Variants in MIDN observed in about 807,000 individuals in gnomAD.
MIDN encodes the protein midnolin.
A neutral mutation model predicts 46.1 loss-of-function variants in MIDN; 26 were observed. That is an observed-to-expected ratio of 0.56 (90% confidence interval 0.41 to 0.78). MIDN has a LOEUF of 0.78. Ranked by LOEUF, MIDN falls within the 30% of genes least tolerant of loss-of-function variation. MIDN has a pLI of 0.00. For missense variants in MIDN, 850 were observed against 771.8 expected (o/e 1.10, Z -1.20); for synonymous variants, 432 against 343.3 (o/e 1.26, Z -2.86).
intron 3 of MIDN, 93 bp from the exon 4 acceptor site, chr19:1,251,746 C>T: frequency 2.0e-6 from 3 of 1,527,478 alleles, no homozygotes; most frequent in Admixed American, 3.5e-5. Flanking sequence ...CCTGGGGCCC[C>T]CACCCCGCCA....
At chr19:1,256,488 A>C (rs1218903910) in intron 8 of MIDN, among the ~76,000 whole-genome samples, 1 of 151,608 alleles carries the variant, frequency 6.6e-6, no homozygotes, top group Non-Finnish European at 1.5e-5. Context: ...TCTCAAAAAA[A>C]AAAAAAAAAA....
chr19:1,251,760 A>G (rs112416458), intron 3 of MIDN, 79 bp from the exon 4 acceptor site: 4 of 1,475,772 alleles, frequency 2.7e-6, no homozygotes, highest in Non-Finnish European at 3.7e-6. Flanking sequence ...CCCGCCAGCC[A>G]GCAGGGCCCT....
Position 1,255,501 on chromosome 19 carries a change from C to T in MIDN, c.1065C>T (p.Asp355=), listed in dbSNP as rs1004318853. The change falls in exon 8 of 9, where the codon GAC becomes GAT. Residue 355 remains aspartate (D), a synonymous_variant. Transcript: ENST00000682408. ...DIGTILQILN[D]LLSATRHYQG... ...GCACCATCCTGCAGATCCTGAACGA[C>T]CTCCTGAGCGCCACCCGGCACTACC... The T allele has an allele frequency of 4.3e-6, 7 of 1,611,554 alleles. No individual in the cohort carries two copies. The highest frequency in any genetic ancestry group is 4.5e-5 in the East Asian group (2 of 44,864).
chr19:1,249,803 T>A (rs907144870), intron 1 of MIDN, 87 bp from the exon 2 acceptor site: 5 of 148,982 alleles, frequency 3.4e-5, no homozygotes, highest in Admixed American at 6.7e-5. Flanking sequence ...GCCGGCGGAG[T>A]AAGTAGTGAA....
At chr19:1,256,380 G>C (rs2081199234) in intron 8 of MIDN, among the ~76,000 whole-genome samples, 1 of 152,024 alleles carries the variant, frequency 6.6e-6, no homozygotes, top group African/African-American at 2.4e-5. Context: ...CTACTCGGGA[G>C]GCTGAGACAG....
chr19:1,252,724 C>A (rs551053727), intron 4 of MIDN, among the ~76,000 whole-genome samples: 2 of 152,140 alleles, frequency 1.3e-5, no homozygotes, highest in African/African-American at 4.8e-5. Flanking sequence ...TCCCGGGCCT[C>A]CCTGGCCCCG....
chr19:1,250,545 C>T lies in MIDN; in HGVS notation c.233+16C>T. Reference sequence around the variant, plus strand: ...ACAAAGACACGTAGGTACCGCGCGCCCCCGGCCGGCCGCCCCCTCGGGCCC... The same window carrying T: ...ACAAAGACACGTAGGTACCGCGCGCTCCCGGCCGGCCGCCCCCTCGGGCCC... On this transcript the variant is annotated intron_variant, in intron 2 of 8. Coordinates refer to ENST00000682408, the MANE Select transcript of MIDN (RefSeq NM_001388306.1). 2 of 1,182,944 alleles carry T rather than the reference C, an allele frequency of 1.7e-6. No individual in the cohort carries two copies. Among genetic ancestry groups the T allele is most frequent in the Non-Finnish European group, 2.1e-6 (2 of 937,172 alleles). 73.3% of individuals were successfully genotyped at this position (1,182,944 alleles called of 1,614,324 possible).
At chr19:1,248,856 G>A (rs550927265) in intron 1 of MIDN, among the ~76,000 whole-genome samples, 196 bp downstream of exon 1, 25 of 151,946 alleles carry the variant, frequency 1.6e-4, no homozygotes, top group Non-Finnish European at 3.5e-4. Flanking sequence ...CCCCCGCCCC[G>A]CCCCCCGGGG....
chr19:1,256,545 C>G (rs2081201604), intron 8 of MIDN, among the ~76,000 whole-genome samples: 1 of 151,692 alleles, frequency 6.6e-6, no homozygotes, highest in African/African-American at 2.4e-5. Flanking sequence ...ACAGAAGCGG[C>G]CAAGCCCCCT....
Position 1,256,530 on chromosome 19 carries a change from G to A in MIDN, c.1259-465G>A, listed in dbSNP as rs868746826. Among the ~76,000 whole-genome samples the A allele has an allele frequency of 1.3e-4, 19 of 149,594 alleles. No individual in the cohort carries two copies. In the Middle Eastern group the frequency reaches 0.011, roughly 84 times the overall value. On this transcript the variant is annotated intron_variant, in intron 8 of 8. Transcript: ENST00000682408. ...GTACAACCCCCAAGTATCTCCCCTCGGATCACAGAAGCGGCCAAGCCCCCT... is the reference window on the plus strand; with the variant it reads ...GTACAACCCCCAAGTATCTCCCCTCAGATCACAGAAGCGGCCAAGCCCCCT...
At chr19:1,252,917 C>T (rs2081149747) in intron 4 of MIDN, among the ~76,000 whole-genome samples, 1 of 151,954 alleles carries the variant, frequency 6.6e-6, no homozygotes, top group Admixed American at 6.5e-5. Context: ...AGGTGATTTC[C>T]TGGGGCGAGT....
At chr19:1,256,050 C>T (rs1158821822) in intron 8 of MIDN, among the ~76,000 whole-genome samples, 10 of 152,340 alleles carry the variant, frequency 6.6e-5, no homozygotes, top group Non-Finnish European at 1.3e-4. Flanking sequence ...GGAAAAGCAG[C>T]GAACACAACC....
chr19:1,255,646 G>C lies in MIDN; in HGVS notation c.1210G>C (p.Ala404Pro). Residue 404 changes from alanine to proline, a missense_variant, in exon 8 of 9, where the codon GCC becomes CCC. Ala to Pro is a conservative substitution (Grantham distance 27, BLOSUM62 -1). Coordinates refer to ENST00000682408, the MANE Select transcript of MIDN (RefSeq NM_001388306.1). Reference sequence around the variant, plus strand: ...CGAGAAGCTCACGGCTGCCCCCTCAGCCTCCCTGCTGCAGGGCCAGAGCCA... The same window carrying C: ...CGAGAAGCTCACGGCTGCCCCCTCACCCTCCCTGCTGCAGGGCCAGAGCCA... ...SCEKLTAAPS[A>P]SLLQGQSQIR... is the part of the protein sequence containing the mutation. The C allele has an allele frequency of 6.2e-7, 1 of 1,603,528 alleles. No homozygotes were observed. Among genetic ancestry groups the C allele is most frequent in the Non-Finnish European group, 8.5e-7 (1 of 1,178,256 alleles).
chr19:1,253,457 G>T (rs998732130), intron 4 of MIDN, among the ~76,000 whole-genome samples: 1 of 151,974 alleles, frequency 6.6e-6, no homozygotes, highest in East Asian at 1.9e-4. Context: ...GGAGAGCAGG[G>T]CTCTGGCCCA....
intron 8 of MIDN, among the ~76,000 whole-genome samples, chr19:1,256,176 C>T (rs2081196815): frequency 6.6e-6 from 1 of 152,262 alleles, no homozygotes; most frequent in South Asian, 2.1e-4. Context: ...GGGGCTCCTC[C>T]CAGCTCAGTT....
At chr19:1,256,922 T>A in intron 8 of MIDN, 73 bp from the exon 9 acceptor site, 1 of 1,576,772 alleles carries the variant, frequency 6.3e-7, no homozygotes, top group Non-Finnish European at 8.6e-7. Context: ...GGGCATTTGC[T>A]GGGGTCTGGG....
intron 8 of MIDN, among the ~76,000 whole-genome samples, chr19:1,255,899 G>A (rs1209042490): frequency 1.3e-5 from 2 of 152,238 alleles, no homozygotes; most frequent in Non-Finnish European, 2.9e-5. Flanking sequence ...GCTCCCGGGG[G>A]GCCACAGGCC....
intron 8 of MIDN, among the ~76,000 whole-genome samples, chr19:1,256,174 TC>T (rs1265310394): frequency 6.6e-6 from 1 of 152,198 alleles, no homozygotes; most frequent in Non-Finnish European, 1.5e-5. Context: ...CGGGGGCTCC[TC>T]CCAGCTCAGT....
In MIDN at chr19:1,255,593, C is replaced by G. The variant is rs1286561055; in HGVS notation, c.1157C>G (p.Pro386Arg). ...CAGTGCTCCCCGGCCTCACCGGCCC[C>G]CGACCTGGCCCCCAGAACTACCTCC... ...HAQCSPASPA[P>R]DLAPRTTSCE... The change falls in exon 8 of 9, where the codon CCC becomes CGC. Residue 386 changes from proline (P) to arginine (R), a missense_variant. Coordinates refer to ENST00000682408, the MANE Select transcript of MIDN (RefSeq NM_001388306.1). The G allele has an allele frequency of 6.2e-7, 1 of 1,610,378 alleles. No individual in the cohort carries two copies. The highest frequency in any genetic ancestry group is 8.5e-7 in the Non-Finnish European group (1 of 1,179,312).
Sources: allele counts gnomAD v4.1 joint callset (sites outside exome capture counted in the v4.1 genomes callset), GRCh38; gene constraint gnomAD v4.1.1; transcripts MANE v1.5; gene names NCBI Gene and HGNC (gene_info 2026-07-23, HGNC 2026-07-21).